TOX2: variants seen among roughly 807,000 people sequenced by gnomAD.
TOX2 encodes granulosa cell HMG box 1.
A neutral mutation model predicts 47.4 loss-of-function variants in TOX2; 15 were observed. That is an observed-to-expected ratio of 0.32 (90% CI 0.21 to 0.49). The LOEUF (loss-of-function observed/expected upper bound fraction) is 0.49. TOX2 is among the 20% of genes least tolerant of loss of function. TOX2 has a pLI of 0.99. For synonymous variants in TOX2, 290 were observed against 296.6 expected (o/e 0.98, Z 0.23); for missense variants, 622 against 673.1 (o/e 0.92, Z 0.84).
chr20:44,020,751 T>C (rs1196479640), intron 3 of TOX2, among the ~76,000 whole-genome samples: 1 of 152,230 alleles, frequency 6.6e-6, no homozygotes, highest in African/African-American at 2.4e-5. Context: ...GGGCTTCTAA[T>C]GCCAGCCCAG....
chr20:43,980,742 T>C (rs1402779936), intron 2 of TOX2, among the ~76,000 whole-genome samples: 1 of 152,224 alleles, frequency 6.6e-6, no homozygotes, highest in East Asian at 1.9e-4. Flanking sequence ...CCTTAAGGTA[T>C]ACTTTACAAG....
intron 1 of TOX2, among the ~76,000 whole-genome samples, chr20:43,921,160 C>T (rs80104428): frequency 0.019 from 2,951 of 152,214 alleles, 93 homozygotes; most frequent in African/African-American, 0.068. Context: ...CAAGTGGGCT[C>T]GGAGGACAGA....
chr20:43,941,946 A>C (rs2069409225), intron 1 of TOX2, among the ~76,000 whole-genome samples: 1 of 152,174 alleles, frequency 6.6e-6, no homozygotes, highest in African/African-American at 2.4e-5. Context: ...TACTGTAGTG[A>C]AAATCAAAGG....
At chr20:44,048,418 A>ATATATATATATATATATATATC (rs60006058) in intron 3 of TOX2, among the ~76,000 whole-genome samples, 1 of 134,396 alleles carries the variant, frequency 7.4e-6, no homozygotes, top group Non-Finnish European at 1.6e-5. Context: ...ATATATGTAT[A>ATATATATATATATATATATATC]ATTTACCAAA....
chr20:43,983,231 A>T (rs1218383520), intron 2 of TOX2, among the ~76,000 whole-genome samples: 1 of 152,094 alleles, frequency 6.6e-6, no homozygotes, highest in Non-Finnish European at 1.5e-5. Context: ...ATGCTACAGA[A>T]TGAGGCTTCT....
intron 1 of TOX2, among the ~76,000 whole-genome samples, chr20:43,922,396 G>A (rs1299604073): frequency 5.3e-5 from 8 of 152,148 alleles, no homozygotes; most frequent in African/African-American, 1.9e-4. Flanking sequence ...AGTGATGTGG[G>A]AAGAAAGTTT....
chr20:44,056,483 A>T (rs1232758991), intron 5 of TOX2, among the ~76,000 whole-genome samples: 2 of 152,104 alleles, frequency 1.3e-5, no homozygotes, highest in Non-Finnish European at 2.9e-5. Flanking sequence ...CTCAAGTCCT[A>T]TGTCCCCGGG....
At chr20:43,946,262 C>G (rs897241147) in intron 1 of TOX2, among the ~76,000 whole-genome samples, 1 of 152,220 alleles carries the variant, frequency 6.6e-6, no homozygotes, top group East Asian at 1.9e-4. Context: ...AGAGCAGGGT[C>G]AGGCTGTGGC....
At chr20:43,919,569 T>C (rs2069091560) in intron 1 of TOX2, among the ~76,000 whole-genome samples, 1 of 152,178 alleles carries the variant, frequency 6.6e-6, no homozygotes, top group South Asian at 2.1e-4. Context: ...ATTTGTTACA[T>C]AGGTAAACGT....
chr20:44,024,348 G>T lies in TOX2; in HGVS notation c.411+17556G>T, dbSNP rs1253639985. ...ATTGTTTTATTCATTTTATTCAGAG[G>T]ACTAAGCATCAGAGTTGTGTTCCAA... On this transcript the variant is annotated intron_variant, in intron 3 of 8. Transcript: ENST00000341197. Among the ~76,000 whole-genome samples, 5 of 152,092 alleles carry T rather than the reference G, an allele frequency of 3.3e-5. No homozygotes were observed. In the East Asian group the frequency reaches 9.7e-4, roughly 29 times the overall value.
intron 3 of TOX2, among the ~76,000 whole-genome samples, chr20:44,050,114 G>A (rs2071483456): frequency 6.6e-6 from 1 of 152,190 alleles, no homozygotes; most frequent in African/African-American, 2.4e-5. Context: ...TGCTAGGTGA[G>A]GTGATGAATA....
intron 1 of TOX2, among the ~76,000 whole-genome samples, chr20:43,926,275 T>A (rs1391014532): frequency 6.6e-6 from 1 of 152,074 alleles, no homozygotes; most frequent in Admixed American, 6.6e-5. Flanking sequence ...CCACCCCCAC[T>A]CCCATGCTTT....
chr20:44,050,929 G>A (rs1418808309), intron 3 of TOX2, among the ~76,000 whole-genome samples: 5 of 152,214 alleles, frequency 3.3e-5, no homozygotes, highest in Admixed American at 6.5e-5. Context: ...ATCTGTGTGC[G>A]TTGCTATCAT....
chr20:44,025,433 G>A (rs1458569697), intron 3 of TOX2, among the ~76,000 whole-genome samples: 1 of 150,848 alleles, frequency 6.6e-6, no homozygotes, highest in African/African-American at 2.4e-5. Context: ...GAAGAAGGGG[G>A]CAGCTGAGAG....
intron 1 of TOX2, among the ~76,000 whole-genome samples, chr20:43,971,373 G>A (rs527820465): frequency 2.0e-5 from 3 of 152,336 alleles, no homozygotes; most frequent in South Asian, 2.1e-4. Context: ...GCGAGGGCGC[G>A]TCGAAAATGG....
intron 3 of TOX2, among the ~76,000 whole-genome samples, chr20:44,031,823 G>A (rs748746890): frequency 3.3e-5 from 5 of 152,086 alleles, no homozygotes; most frequent in African/African-American, 4.8e-5. Context: ...GGGGGAGGTT[G>A]GTGGATAACT....
intron 1 of TOX2, among the ~76,000 whole-genome samples, chr20:43,969,431 C>A (rs897740165): frequency 6.6e-6 from 1 of 152,206 alleles, no homozygotes; most frequent in Admixed American, 6.5e-5. Flanking sequence ...TGTCTGAGGG[C>A]AGAGGTGACT....
intron 2 of TOX2, among the ~76,000 whole-genome samples, chr20:43,997,696 C>G (rs915791205): frequency 6.6e-6 from 1 of 152,166 alleles, no homozygotes; most frequent in African/African-American, 2.4e-5. Flanking sequence ...TTTCTACCAT[C>G]TTGAGTTGAG....
chr20:43,917,831 C>G (rs1417125834), intron 1 of TOX2, among the ~76,000 whole-genome samples: 2 of 152,168 alleles, frequency 1.3e-5, no homozygotes, highest in Non-Finnish European at 2.9e-5. Context: ...AATAGCTTAA[C>G]AGGTATGAAG....
Sources: allele counts gnomAD v4.1 joint callset (sites outside exome capture counted in the v4.1 genomes callset), GRCh38; gene constraint gnomAD v4.1.1; transcripts MANE v1.5; gene names NCBI Gene and HGNC (gene_info 2026-07-23, HGNC 2026-07-21).